SRPX2: variants seen among roughly 807,000 people sequenced by gnomAD.
SRPX2 encodes the protein sushi repeat containing protein X-linked 2.
In SRPX2, 26 loss-of-function variants were observed where a neutral mutation model predicts 45.3. The observed-to-expected ratio is 0.57, with a 90% CI of 0.42 to 0.80. The LOEUF (loss-of-function observed/expected upper bound fraction) is 0.80, where lower values mean the gene tolerates loss of function less well. Among genes scored for constraint, SRPX2 ranks in the 30% least tolerant of loss-of-function variants. SRPX2 has a pLI of 0.00. For synonymous variants in SRPX2, 125 were observed against 143.7 expected (o/e 0.87, Z 0.93); for missense variants, 355 against 399.8 (o/e 0.89, Z 0.95).
At chrX:100,651,930 G>A (rs2083154961) in intron 3 of SRPX2, among the ~76,000 whole-genome samples, 1 of 111,885 alleles carries the variant, frequency 8.9e-6, no homozygotes, top group Non-Finnish European at 1.9e-5. Context: ...GCATTAAAAG[G>A]GAAGTTAGGC....
At chrX:100,670,663 AG>A (rs1384509169) in intron 10 of SRPX2, 143 bp from the exon 11 acceptor site, 1 of 620,281 alleles carries the variant, frequency 1.6e-6, no homozygotes, top group Non-Finnish European at 2.6e-6. Context: ...GACTTGAGAC[AG>A]GAAGTAGAGG....
intron 10 of SRPX2, among the ~76,000 whole-genome samples, chrX:100,669,921 C>T (rs1432376326): frequency 1.8e-5 from 2 of 109,779 alleles, no homozygotes; most frequent in African/African-American, 6.6e-5. Context: ...TACAGGTGTG[C>T]ACCACCACAC....
intron 10 of SRPX2, 38 bp downstream of exon 10, chrX:100,669,407 GGGC>G: frequency 2.6e-6 from 1 of 383,947 alleles, no homozygotes. Flanking sequence ...GGGGGAGGGG[GGGC>G]TGGGGCGGGG....
intron 2 of SRPX2, among the ~76,000 whole-genome samples, chrX:100,647,683 C>T (rs142297163): frequency 1.6e-4 from 18 of 112,798 alleles, no homozygotes; most frequent in African/African-American, 5.5e-4. Context: ...ATTCTGAACA[C>T]CTGTATGAAA....
Position 100,646,404 on chromosome X carries a change from G to C in SRPX2, c.82G>C (p.Gly28Arg). The change falls in exon 2 of 11, where the codon GGT becomes CGT. Residue 28 changes from glycine (G) to arginine (R), a missense_variant and splice_region_variant. By Grantham distance (125) the Gly-to-Arg change is moderately radical. Coordinates refer to ENST00000373004, the MANE Select transcript of SRPX2 (RefSeq NM_014467.3). ...GGCAGTGACACCAACATGGTATGCA[G>C]GTAAGTTCTAGGAGCTGTTGCCTAT... ...TPAVTPTWYA[G>R]SGYYPDESYN... The C allele has an allele frequency of 8.3e-7, 1 of 1,208,833 alleles. No individual in the cohort carries two copies. Among genetic ancestry groups the C allele is most frequent in the African/African-American group, 1.7e-5 (1 of 57,835 alleles).
chrX:100,662,505 A>T (rs2083191809), intron 4 of SRPX2, 138 bp downstream of exon 4: 2 of 715,532 alleles, frequency 2.8e-6, no homozygotes, highest in Non-Finnish European at 4.2e-6. Flanking sequence ...TAAGCCCCCC[A>T]GCAGGGCCTT....
At chrX:100,649,438 A>G (rs941616769) in intron 2 of SRPX2, 3 of 111,235 alleles carry the variant, frequency 2.7e-5, no homozygotes, top group Admixed American at 1.9e-4. Context: ...GAGGTCTGAG[A>G]AGAAATCAAC....
chrX:100,665,428 G>A, intron 6 of SRPX2, 59 bp downstream of exon 6: 1 of 1,205,849 alleles, frequency 8.3e-7, no homozygotes, highest in Non-Finnish European at 1.1e-6. Context: ...AGTCATTCAG[G>A]CTGGTCACAT....
At chrX:100,667,509 G>A (rs1473001033) in intron 9 of SRPX2, 102 bp downstream of exon 9, 1 of 1,027,805 alleles carries the variant, frequency 9.7e-7, no homozygotes, top group Non-Finnish European at 1.4e-6. Context: ...CCTACTTCCT[G>A]AAACTTTTTG....
At position 100,664,867 on chromosome X, in the gene SRPX2, C is replaced by T. The variant is rs373847965; in HGVS notation, c.449C>T (p.Ser150Phe). 212 of 1,208,869 alleles carry T rather than the reference C, an allele frequency of 1.8e-4. No individual in the cohort carries two copies. The highest frequency in any genetic ancestry group is 1.4e-3 in the Middle Eastern group (6 of 4,308). ...GACTCTCGCTGTGACTACAGCTGTT[C>T]CAGTGGCTACCACCTGGAAGGTGAT... ...LLDSRCDYSC[S>F]SGYHLEGDRS... Residue 150 changes from serine to phenylalanine, a missense_variant, in exon 5 of 11, where the codon TCC becomes TTC. Transcript: ENST00000373004.
At chrX:100,649,161 A>G (rs936546377) in intron 2 of SRPX2, 1 of 111,455 alleles carries the variant, frequency 9.0e-6, no homozygotes, top group Non-Finnish European at 1.9e-5. Context: ...GGGCTCTGAC[A>G]CTCCTGACAC....
chrX:100,662,079 GCTCT>G (rs746450232), intron 3 of SRPX2, 93 bp from the exon 4 acceptor site: 164 of 896,835 alleles, frequency 1.8e-4, no homozygotes, highest in Non-Finnish European at 2.3e-4. Context: ...TTACTTCTGG[GCTCT>G]CTATTTTTTT....
chrX:100,669,422 G>GGGGGGGC, intron 10 of SRPX2, 53 bp downstream of exon 10: 5 of 319,097 alleles, frequency 1.6e-5, no homozygotes, highest in Non-Finnish European at 3.1e-5. Flanking sequence ...GGGGCGGGGG[G>GGGGGGGC]AGAAACCCTA....
intron 3 of SRPX2, among the ~76,000 whole-genome samples, chrX:100,656,791 T>C (rs2083170450): frequency 8.9e-6 from 1 of 112,132 alleles, no homozygotes; most frequent in African/African-American, 3.2e-5. Context: ...CGAATGCAGA[T>C]CCCTTTGATA....
At chrX:100,666,039 T>C (rs943731246) in intron 7 of SRPX2, among the ~76,000 whole-genome samples, 2 of 112,274 alleles carry the variant, frequency 1.8e-5, no homozygotes, top group Non-Finnish European at 3.8e-5. Context: ...TTGCTTTGTG[T>C]TGTATTGTTT....
chrX:100,659,797 C>CTTT (rs34926181), intron 3 of SRPX2, among the ~76,000 whole-genome samples: 87 of 85,878 alleles, frequency 1.0e-3, no homozygotes, highest in Non-Finnish European at 1.2e-3. Context: ...TTTTTCAAAG[C>CTTT]TTTTTTTTTT....
At chrX:100,670,015 G>T (rs1270019935) in intron 10 of SRPX2, among the ~76,000 whole-genome samples, 3 of 110,575 alleles carry the variant, frequency 2.7e-5, no homozygotes. Flanking sequence ...CAGGTGATCT[G>T]CCCACCTCCG....
intron 3 of SRPX2, among the ~76,000 whole-genome samples, chrX:100,654,977 T>C (rs2083164104): frequency 9.0e-6 from 1 of 111,648 alleles, no homozygotes; most frequent in Non-Finnish European, 1.9e-5. Context: ...TATCTGAAGA[T>C]AATAGAAGAC....
intron 3 of SRPX2, among the ~76,000 whole-genome samples, chrX:100,652,960 G>T (rs2083158310): frequency 9.0e-6 from 1 of 111,413 alleles, no homozygotes; most frequent in Non-Finnish European, 1.9e-5. Context: ...TCCCATGAGA[G>T]AACCAATTCC....
Sources: gnomAD v4.1 joint callset for allele counts (sites outside exome capture counted in the v4.1 genomes callset) on GRCh38, gnomAD v4.1.1 for gene constraint, MANE v1.5 for transcripts, NCBI Gene and HGNC (gene_info 2026-07-23, HGNC 2026-07-21) for gene names.